The following LAMA2 variants were observed in gnomAD, a reference collection of about 807,000 sequenced individuals.
LAMA2 encodes the protein laminin subunit alpha 2, also known as laminin subunit alpha-2.
Under a neutral mutation model 364.8 loss-of-function variants are expected in LAMA2, and 269 were observed. The observed-to-expected ratio is 0.74, with a 90% confidence interval of 0.67 to 0.82. The LOEUF (loss-of-function observed/expected upper bound fraction) is 0.82, where lower values mean the gene tolerates loss of function less well. Ranked by LOEUF, LAMA2 falls within the 40% of genes least tolerant of loss-of-function variation. The pLI, the probability that LAMA2 is intolerant of heterozygous loss-of-function variation, is 0.00. For missense variants in LAMA2, 3,807 were observed against 3,873.2 expected, an observed-to-expected ratio of 0.98 and a Z score of 0.45; for synonymous variants, 1,379 against 1,370.6, an observed-to-expected ratio of 1.01 and a Z score of -0.14.
chr6:129,121,545 A>G (rs920508896), intron 4 of LAMA2, among the ~76,000 whole-genome samples: 3 of 152,188 alleles, frequency 2.0e-5, no homozygotes, highest in East Asian at 3.8e-4. Flanking sequence ...TTTACATATT[A>G]GAAGTGGCAT....
At chr6:129,017,365 A>G (rs1218473590) in intron 1 of LAMA2, among the ~76,000 whole-genome samples, 2 of 152,022 alleles carry the variant, frequency 1.3e-5, no homozygotes, top group African/African-American at 4.8e-5. Context: ...TCATGAGAGT[A>G]TATTGATTTT....
chr6:129,244,125 T>G (rs1160237065), intron 12 of LAMA2, among the ~76,000 whole-genome samples: 1 of 152,148 alleles, frequency 6.6e-6, no homozygotes, highest in Admixed American at 6.6e-5. Context: ...GTTCATTTTC[T>G]ATGCATTAAG....
chr6:128,941,915 A>G (rs1425557769), intron 1 of LAMA2, among the ~76,000 whole-genome samples: 1 of 152,170 alleles, frequency 6.6e-6, no homozygotes, highest in Non-Finnish European at 1.5e-5. Flanking sequence ...ATGCAGGGGG[A>G]CAATGTTGGC....
intron 1 of LAMA2, among the ~76,000 whole-genome samples, chr6:128,930,557 A>G (rs1779408442): frequency 6.6e-6 from 1 of 151,948 alleles, no homozygotes; most frequent in Non-Finnish European, 1.5e-5. Context: ...CCCACCCTTC[A>G]CACATGGGCC....
chr6:128,953,617 GT>G (rs367717756), intron 1 of LAMA2, among the ~76,000 whole-genome samples: 17,439 of 151,792 alleles, frequency 0.11, 1,135 homozygotes, highest in African/African-American at 0.18. Flanking sequence ...GTGTGTGTGT[GT>G]GTGTGTGAAT....
intron 34 of LAMA2, among the ~76,000 whole-genome samples, chr6:129,379,223 G>A (rs911629019): frequency 6.6e-6 from 1 of 152,074 alleles, no homozygotes; most frequent in Non-Finnish European, 1.5e-5. Flanking sequence ...AGGATGGGAA[G>A]GATGAGAGGA....
chr6:129,050,253 A>G (rs888191358), intron 2 of LAMA2, among the ~76,000 whole-genome samples, 165 bp downstream of exon 2: 15 of 152,178 alleles, frequency 9.9e-5, no homozygotes, highest in Non-Finnish European at 1.8e-4. Flanking sequence ...TTCAGCAAAC[A>G]TTATTGGAGT....
intron 3 of LAMA2, among the ~76,000 whole-genome samples, chr6:129,082,875 G>C (rs1774150750): frequency 6.6e-6 from 1 of 151,730 alleles, no homozygotes; most frequent in East Asian, 1.9e-4. Flanking sequence ...TGAAACATTT[G>C]GTTTTTCCAT....
In LAMA2 at chr6:129,288,069, A is replaced by G; in HGVS notation, c.2749+11A>G. ...CGAAGAACTGTCAGCGTAAGTCCTG[A>G]ACTATTGATGCCCCTGACAGAATTG... On this transcript the variant is annotated intron_variant, in intron 19 of 64. Transcript: ENST00000421865. The G allele has an allele frequency of 1.2e-6, 2 of 1,607,618 alleles. No homozygotes were observed. The highest frequency in any genetic ancestry group is 1.7e-6 in the Non-Finnish European group (2 of 1,174,074).
At chr6:129,202,125 T>C (rs899560138) in intron 12 of LAMA2, among the ~76,000 whole-genome samples, 4 of 146,138 alleles carry the variant, frequency 2.7e-5, no homozygotes, top group Admixed American at 2.7e-4. Context: ...GAGGCGATGG[T>C]TTCAGTGAGC....
At chr6:128,975,359 G>T (rs1003291092) in intron 1 of LAMA2, among the ~76,000 whole-genome samples, 14 of 152,148 alleles carry the variant, frequency 9.2e-5, no homozygotes, top group African/African-American at 2.9e-4. Flanking sequence ...TTGCAGTGGG[G>T]TTGGGAGTAG....
intron 31 of LAMA2, among the ~76,000 whole-genome samples, chr6:129,349,641 A>G (rs1214622755): frequency 6.6e-6 from 1 of 151,026 alleles, no homozygotes; most frequent in African/African-American, 2.4e-5. Context: ...TAGTATATAT[A>G]TATATATAAT....
At chr6:129,122,862 A>G (rs1156266320) in intron 4 of LAMA2, among the ~76,000 whole-genome samples, 3 of 152,234 alleles carry the variant, frequency 2.0e-5, no homozygotes, top group South Asian at 2.1e-4. Flanking sequence ...AAAAAGGATG[A>G]AGAACAAAAA....
intron 9 of LAMA2, among the ~76,000 whole-genome samples, chr6:129,169,877 T>C (rs1351722342): frequency 2.1e-5 from 3 of 146,194 alleles, no homozygotes; most frequent in African/African-American, 7.8e-5. Context: ...AACTTCTTCC[T>C]GGTTTAGTCT....
intron 1 of LAMA2, among the ~76,000 whole-genome samples, chr6:129,039,231 C>G (rs1055870312): frequency 6.6e-6 from 1 of 151,972 alleles, no homozygotes. Flanking sequence ...TCAGAAAACA[C>G]TTTCACAGAG....
chr6:128,950,348 T>G (rs892778512), intron 1 of LAMA2, among the ~76,000 whole-genome samples: 1 of 151,988 alleles, frequency 6.6e-6, no homozygotes, highest in East Asian at 1.9e-4. Flanking sequence ...GTGAGTAGTC[T>G]GGAAAGGGTC....
At chr6:129,409,645 T>C (rs1207457225) in intron 40 of LAMA2, among the ~76,000 whole-genome samples, 1 of 152,192 alleles carries the variant, frequency 6.6e-6, no homozygotes, top group African/African-American at 2.4e-5. Flanking sequence ...CTGCAGAAGA[T>C]GGCAGGGCCT....
At chr6:129,482,824 G>C (rs1402377008) in intron 55 of LAMA2, among the ~76,000 whole-genome samples, 4 of 152,104 alleles carry the variant, frequency 2.6e-5, no homozygotes, top group African/African-American at 9.7e-5. Context: ...ACTTTGGGAG[G>C]CCAAGGTGGG....
At chr6:129,475,444 T>C in intron 53 of LAMA2, 43 bp downstream of exon 53, 1 of 1,484,824 alleles carries the variant, frequency 6.7e-7, no homozygotes, top group Non-Finnish European at 9.3e-7. Flanking sequence ...GTGCATGGGT[T>C]GGGTAAATGT....
Sources: gnomAD v4.1 joint callset for allele counts (sites outside exome capture counted in the v4.1 genomes callset) on GRCh38, gnomAD v4.1.1 for gene constraint, MANE v1.5 for transcripts, NCBI Gene and HGNC (gene_info 2026-07-23, HGNC 2026-07-21) for gene names.